EPHB1: variants seen among roughly 807,000 people sequenced by gnomAD.
EPHB1 encodes EPH receptor B1.
In EPHB1, 30 loss-of-function variants were observed where a neutral mutation model predicts 94.4. The observed-to-expected ratio is 0.32, with a 90% CI of 0.24 to 0.43. EPHB1 has a LOEUF of 0.43. Among genes scored for constraint, EPHB1 ranks in the 20% least tolerant of loss-of-function variants. The pLI, the probability that EPHB1 is intolerant of heterozygous loss-of-function variation, is 1.00. For missense variants in EPHB1, 1,055 were observed against 1,308.3 expected (o/e 0.81, Z 2.99); for synonymous variants, 522 against 489.1 (o/e 1.07, Z -0.89).
intron 2 of EPHB1, among the ~76,000 whole-genome samples, chr3:134,932,549 A>G (rs896662196): frequency 3.9e-5 from 6 of 151,938 alleles, no homozygotes; most frequent in South Asian, 2.1e-4. Flanking sequence ...CTGGATCTGC[A>G]CTCCCTGCCT....
intron 1 of EPHB1, among the ~76,000 whole-genome samples, chr3:134,837,269 C>T (rs1259019921): frequency 6.6e-6 from 1 of 151,924 alleles, no homozygotes; most frequent in Non-Finnish European, 1.5e-5. Context: ...AAAGGTATAC[C>T]CTCTATTCCA....
chr3:135,025,969 A>G (rs1374741191), intron 3 of EPHB1, among the ~76,000 whole-genome samples: 2 of 67,296 alleles, frequency 3.0e-5, no homozygotes, highest in African/African-American at 4.2e-5. Context: ...GCCAGTGATG[A>G]TGAGCATTTT....
chr3:135,251,356 G>A (rs149942377), intron 15 of EPHB1, among the ~76,000 whole-genome samples: 1 of 152,288 alleles, frequency 6.6e-6, no homozygotes, highest in Non-Finnish European at 1.5e-5. Context: ...GGGTGTTTAT[G>A]AAGACTGGCT....
At chr3:134,989,211 G>C (rs144799099) in intron 3 of EPHB1, among the ~76,000 whole-genome samples, 1 of 152,302 alleles carries the variant, frequency 6.6e-6, no homozygotes, top group Admixed American at 6.5e-5. Flanking sequence ...TATTTGATTG[G>C]AGGACAAGAT....
chr3:134,843,087 G>A (rs1038421750), intron 1 of EPHB1, among the ~76,000 whole-genome samples: 5 of 151,952 alleles, frequency 3.3e-5, no homozygotes, highest in African/African-American at 1.2e-4. Flanking sequence ...AGATTTGCTG[G>A]TGACAAATTT....
chr3:134,904,695 A>G (rs529474829), intron 1 of EPHB1, among the ~76,000 whole-genome samples: 83 of 152,220 alleles, frequency 5.5e-4, no homozygotes, highest in African/African-American at 2.0e-3. Context: ...GGAGATCACG[A>G]GTATGGGATG....
At chr3:135,184,686 C>T (rs1233307485) in intron 10 of EPHB1, among the ~76,000 whole-genome samples, 1 of 152,160 alleles carries the variant, frequency 6.6e-6, no homozygotes, top group Admixed American at 6.5e-5. Context: ...GGCATGAGAT[C>T]ATGAGTCATT....
chr3:134,852,266 G>T (rs533097995), intron 1 of EPHB1, among the ~76,000 whole-genome samples: 1 of 151,580 alleles, frequency 6.6e-6, no homozygotes, highest in Non-Finnish European at 1.5e-5. Flanking sequence ...GCCACAGCAT[G>T]CCCTGCCACT....
rs1933535958 is a variant in EPHB1 at position 135,259,004 on chromosome 3, C to T, written c.2847-8C>T. Reference sequence around the variant, plus strand: ...AAAGTGACTTCTTTTCTGGCTCTTTCCTCCTAGAGACCTCCTGAGAATAGG... The same window carrying T: ...AAAGTGACTTCTTTTCTGGCTCTTTTCTCCTAGAGACCTCCTGAGAATAGG... On this transcript the variant is annotated splice_polypyrimidine_tract_variant and splice_region_variant and intron_variant, in intron 15 of 15. Coordinates refer to ENST00000398015, the MANE Select transcript of EPHB1 (RefSeq NM_004441.5). The T allele has an allele frequency of 4.4e-6, 7 of 1,596,548 alleles. No individual in the cohort carries two copies. In the East Asian group the frequency reaches 9.0e-5, roughly 21 times the overall value.
At chr3:135,045,073 G>T (rs1239159945) in intron 3 of EPHB1, among the ~76,000 whole-genome samples, 1 of 152,106 alleles carries the variant, frequency 6.6e-6, no homozygotes, top group Non-Finnish European at 1.5e-5. Context: ...TCCTGTCAGG[G>T]TGATCTACAA....
intron 1 of EPHB1, among the ~76,000 whole-genome samples, chr3:134,923,900 C>A (rs755707533): frequency 6.6e-6 from 1 of 152,070 alleles, no homozygotes; most frequent in Non-Finnish European, 1.5e-5. Flanking sequence ...GAAAAAAACC[C>A]AAACAATGCA....
chr3:135,249,715 T>G (rs1157387243), intron 15 of EPHB1, among the ~76,000 whole-genome samples: 1 of 152,228 alleles, frequency 6.6e-6, no homozygotes, highest in Non-Finnish European at 1.5e-5. Context: ...TCTTCAAAGT[T>G]ATAGCCATAT....
intron 13 of EPHB1, among the ~76,000 whole-genome samples, chr3:135,247,985 C>G (rs942430281): frequency 2.6e-5 from 4 of 152,158 alleles, no homozygotes; most frequent in African/African-American, 9.7e-5. Context: ...AGAATTGGGC[C>G]CTATGTCTTC....
intron 1 of EPHB1, among the ~76,000 whole-genome samples, chr3:134,835,525 C>T (rs965537918): frequency 3.3e-5 from 5 of 152,134 alleles, no homozygotes; most frequent in African/African-American, 1.2e-4. Context: ...ACCCTGCTCC[C>T]CCAGTTATAG....
chr3:134,885,712 G>A (rs1344104220), intron 1 of EPHB1, among the ~76,000 whole-genome samples: 1 of 152,182 alleles, frequency 6.6e-6, no homozygotes. Flanking sequence ...GAACCCAGGG[G>A]GCTTAGTTAC....
intron 5 of EPHB1, among the ~76,000 whole-genome samples, chr3:135,137,328 T>G (rs1440203877): frequency 6.6e-6 from 1 of 152,198 alleles, no homozygotes; most frequent in Non-Finnish European, 1.5e-5. Context: ...CTGCCTGATT[T>G]TATAAGCTGA....
intron 3 of EPHB1, among the ~76,000 whole-genome samples, chr3:135,007,699 A>G (rs890663870): frequency 6.6e-6 from 1 of 152,206 alleles, no homozygotes; most frequent in Non-Finnish European, 1.5e-5. Context: ...TGTCCTGTAT[A>G]AAGAGCACCT....
At chr3:134,985,103 C>T (rs1340505099) in intron 3 of EPHB1, among the ~76,000 whole-genome samples, 1 of 152,138 alleles carries the variant, frequency 6.6e-6, no homozygotes, top group African/African-American at 2.4e-5. Flanking sequence ...CTCTGGACCA[C>T]TTTCAGTAGA....
chr3:135,020,550 C>A (rs532697380), intron 3 of EPHB1, among the ~76,000 whole-genome samples: 5 of 152,186 alleles, frequency 3.3e-5, no homozygotes, highest in Admixed American at 6.5e-5. Flanking sequence ...TAATTGGTTT[C>A]TTTTGCCTAG....
Sources: gnomAD v4.1 joint callset for allele counts (sites outside exome capture counted in the v4.1 genomes callset) on GRCh38, gnomAD v4.1.1 for gene constraint, MANE v1.5 for transcripts, NCBI Gene and HGNC (gene_info 2026-07-23, HGNC 2026-07-21) for gene names.